RORA: variants seen among roughly 807,000 people sequenced by gnomAD.
RORA encodes RAR related orphan receptor A.
Under a neutral mutation model 69.5 loss-of-function variants are expected in RORA, and 7 were observed. The ratio of observed to expected loss-of-function variants is 0.10; its 90% confidence interval spans 0.06 to 0.19. RORA has a LOEUF of 0.19. Ranked by LOEUF, RORA falls within the 10% of genes least tolerant of loss-of-function variation. The pLI is 1.00. For missense variants in RORA, 457 were observed against 663.0 expected (o/e 0.69, Z 3.41); for synonymous variants, 261 against 240.8 (o/e 1.08, Z -0.78).
chr15:60,773,783 C>A (rs894555203), intron 1 of RORA, among the ~76,000 whole-genome samples: 6 of 152,120 alleles, frequency 3.9e-5, no homozygotes, highest in African/African-American at 1.4e-4. Context: ...AGGTCAGTAT[C>A]GACTCTGGAA....
At chr15:60,644,691 C>A (rs1157277606) in intron 2 of RORA, among the ~76,000 whole-genome samples, 1 of 152,170 alleles carries the variant, frequency 6.6e-6, no homozygotes, top group South Asian at 2.1e-4. Flanking sequence ...CATTTCCATG[C>A]CTCCTTCTCT....
intron 1 of RORA, among the ~76,000 whole-genome samples, chr15:61,069,315 A>G (rs972836148): frequency 1.3e-5 from 2 of 152,254 alleles, no homozygotes; most frequent in Non-Finnish European, 2.9e-5. Flanking sequence ...TTTAAAAACG[A>G]TGACAGTGAA....
intron 1 of RORA, among the ~76,000 whole-genome samples, chr15:60,903,114 C>G (rs950506806): frequency 5.3e-5 from 8 of 152,266 alleles, no homozygotes; most frequent in Admixed American, 1.3e-4. Context: ...AGGTGGCACT[C>G]CAGTGGTCAA....
Position 60,600,375 on chromosome 15 carries a change from C to T in RORA, c.197-68524G>A, listed in dbSNP as rs1369534201. ...CAATTATTCTGCATTATGAAATACT[C>T]ATTTTATAACTATTGACATTTCAGA... On this transcript the variant is annotated intron_variant, in intron 2 of 10. Coordinates refer to ENST00000335670, the MANE Select transcript of RORA (RefSeq NM_134261.3). 2.6e-5 allele frequency among the ~76,000 whole-genome samples: 4 copies of T among 152,176 alleles called. No homozygotes were observed. In the South Asian group the frequency reaches 6.2e-4, roughly 24 times the overall value.
At chr15:60,822,544 C>T (rs2072906263) in intron 1 of RORA, among the ~76,000 whole-genome samples, 1 of 152,194 alleles carries the variant, frequency 6.6e-6, no homozygotes. Context: ...GTTACAGGCT[C>T]ACATTGCAAC....
At chr15:61,167,326 A>G (rs2079546795) in intron 1 of RORA, among the ~76,000 whole-genome samples, 1 of 152,170 alleles carries the variant, frequency 6.6e-6, no homozygotes, top group African/African-American at 2.4e-5. Flanking sequence ...GAAAATGACA[A>G]TGTTCTTTGT....
At chr15:60,838,535 C>T (rs1658373978) in intron 1 of RORA, among the ~76,000 whole-genome samples, 1 of 152,152 alleles carries the variant, frequency 6.6e-6, no homozygotes, top group Non-Finnish European at 1.5e-5. Flanking sequence ...CCTGAAACCT[C>T]CAGACTGAAA....
intron 1 of RORA, among the ~76,000 whole-genome samples, chr15:61,106,129 C>T (rs2078946300): frequency 6.6e-6 from 1 of 152,180 alleles, no homozygotes; most frequent in African/African-American, 2.4e-5. Flanking sequence ...TAAAGAAACA[C>T]TAGTTCTCAT....
chr15:61,229,021 G>T, intron 1 of RORA, 32 bp downstream of exon 1: 1 of 1,265,600 alleles, frequency 7.9e-7, no homozygotes. Context: ...GGCTCCCGCC[G>T]CCCCCTCCCC....
chr15:60,928,389 T>C (rs1892276938), intron 1 of RORA, among the ~76,000 whole-genome samples: 1 of 152,198 alleles, frequency 6.6e-6, no homozygotes, highest in South Asian at 2.1e-4. Flanking sequence ...AATCAGCTCC[T>C]GAAAACACAA....
At chr15:60,898,518 A>ACT (rs1891293371) in intron 1 of RORA, among the ~76,000 whole-genome samples, 2 of 148,064 alleles carry the variant, frequency 1.4e-5, no homozygotes, top group Non-Finnish European at 3.0e-5. Flanking sequence ...TAAATAAATA[A>ACT]ATAAATAAAT....
At chr15:61,058,923 G>A (rs1187388937) in intron 1 of RORA, among the ~76,000 whole-genome samples, 2 of 152,212 alleles carry the variant, frequency 1.3e-5, no homozygotes, top group Non-Finnish European at 1.5e-5. Context: ...GGAGGAAGAT[G>A]AGGTAGTCAT....
At chr15:61,174,370 G>A (rs2079610037) in intron 1 of RORA, among the ~76,000 whole-genome samples, 1 of 152,160 alleles carries the variant, frequency 6.6e-6, no homozygotes, top group Non-Finnish European at 1.5e-5. Context: ...GGCTTCCCCA[G>A]CTCTTAGCCA....
intron 2 of RORA, among the ~76,000 whole-genome samples, chr15:60,667,949 T>A (rs1281619927): frequency 6.6e-6 from 1 of 152,002 alleles, no homozygotes; most frequent in East Asian, 1.9e-4. Flanking sequence ...ATTTTTTTTT[T>A]TTAAATTTAA....
At chr15:60,853,424 G>C (rs1333196263) in intron 1 of RORA, among the ~76,000 whole-genome samples, 1 of 152,172 alleles carries the variant, frequency 6.6e-6, no homozygotes, top group Non-Finnish European at 1.5e-5. Flanking sequence ...TCTCTTGTCG[G>C]TTCCATGAAG....
At chr15:60,909,863 A>AT (rs1257036219) in intron 1 of RORA, among the ~76,000 whole-genome samples, 1 of 152,020 alleles carries the variant, frequency 6.6e-6, no homozygotes, top group Non-Finnish European at 1.5e-5. Flanking sequence ...ATGTATTATT[A>AT]TTTTTTTTCC....
chr15:61,130,191 G>A (rs1007686146), intron 1 of RORA, among the ~76,000 whole-genome samples: 1 of 152,156 alleles, frequency 6.6e-6, no homozygotes, highest in African/African-American at 2.4e-5. Flanking sequence ...TATAATATTA[G>A]CATAATAATT....
chr15:60,855,909 C>A (rs1595769182), intron 1 of RORA, among the ~76,000 whole-genome samples: 1 of 152,184 alleles, frequency 6.6e-6, no homozygotes. Context: ...GCCATCGCAC[C>A]CAGCCCTGTT....
chr15:60,877,216 G>T (rs1201790642), intron 1 of RORA, among the ~76,000 whole-genome samples: 1 of 152,220 alleles, frequency 6.6e-6, no homozygotes, highest in East Asian at 1.9e-4. Context: ...ATCAGGCTGA[G>T]CATGTATGAA....
Sources: gnomAD v4.1 joint callset for allele counts (sites outside exome capture counted in the v4.1 genomes callset) on GRCh38, gnomAD v4.1.1 for gene constraint, MANE v1.5 for transcripts, NCBI Gene and HGNC (gene_info 2026-07-23, HGNC 2026-07-21) for gene names.